Variants in CUX1 observed in about 807,000 individuals in gnomAD.
CUX1 encodes cut like homeobox 1, also known as protein CASP.
A neutral mutation model predicts 158.8 loss-of-function variants in CUX1; 31 were observed. That is an observed-to-expected ratio of 0.20 (90% CI 0.15 to 0.26). CUX1 has a LOEUF of 0.26. CUX1 is among the 10% of genes least tolerant of loss of function. The pLI is 1.00. For missense variants in CUX1, 1,589 were observed against 2,014.6 expected, an observed-to-expected ratio of 0.79 and a Z score of 4.04; for synonymous variants, 879 against 862.1, an observed-to-expected ratio of 1.02 and a Z score of -0.34.
At position 102,178,674 on chromosome 7, in the gene CUX1, G is replaced by GC. The variant is rs1792672831; in HGVS notation, c.1017+20dup. The GC allele has an allele frequency of 2.5e-6, 4 of 1,593,428 alleles. No individual in the cohort carries two copies. The African/African-American group carries it at 5.4e-5, about 21-fold the overall frequency. On this transcript the variant is annotated intron_variant, in intron 11 of 23. Transcript: ENST00000292535. ...ACACTCAAAGTAAGGGGGCTGCGGG[G>GC]CCCGGGGGTGGCCCGAGGAGGCAGG...
At chr7:102,198,739 C>T in intron 15 of CUX1, 63 bp from the exon 16 acceptor site, 10 of 1,406,936 alleles carry the variant, frequency 7.1e-6, no homozygotes, top group Non-Finnish European at 9.1e-6. Context: ...GTCACACAGC[C>T]CATATCGTCA....
At chr7:101,969,359 CAAAA>C (rs10711703) in intron 2 of CUX1, among the ~76,000 whole-genome samples, 4 of 56,108 alleles carry the variant, frequency 7.1e-5, no homozygotes, top group South Asian at 9.3e-4. Context: ...CAAAAAACAG[CAAAA>C]AAAAAAAAAA....
chr7:101,935,216 C>G (rs1806774027), intron 2 of CUX1, among the ~76,000 whole-genome samples: 1 of 152,170 alleles, frequency 6.6e-6, no homozygotes, highest in Non-Finnish European at 1.5e-5. Flanking sequence ...AAAAGCTCCC[C>G]TACTGAGCAC....
chr7:102,071,673 T>G (rs1172895849), intron 4 of CUX1, among the ~76,000 whole-genome samples: 4 of 152,194 alleles, frequency 2.6e-5, no homozygotes, highest in African/African-American at 9.6e-5. Flanking sequence ...TACCTGTACT[T>G]GTGTTCTGAT....
At chr7:101,835,391 T>C (rs1465553117) in intron 1 of CUX1, among the ~76,000 whole-genome samples, 1 of 152,176 alleles carries the variant, frequency 6.6e-6, no homozygotes, top group East Asian at 1.9e-4. Context: ...TGTGTATCCT[T>C]TCATCAGCTA....
At chr7:102,272,139 C>A (rs1297324703) in intron 14 of CUX1, among the ~76,000 whole-genome samples, 4 of 152,204 alleles carry the variant, frequency 2.6e-5, no homozygotes, top group African/African-American at 7.2e-5. Flanking sequence ...GGTCGGGAAG[C>A]CTCCGTTCTT....
At chr7:102,008,531 G>T (rs1268755551) in intron 2 of CUX1, among the ~76,000 whole-genome samples, 1 of 151,998 alleles carries the variant, frequency 6.6e-6, no homozygotes. Context: ...TATTCTCCTC[G>T]TGTAATCCCT....
chr7:101,943,318 G>C (rs1027039356), intron 2 of CUX1, among the ~76,000 whole-genome samples: 6 of 151,788 alleles, frequency 4.0e-5, no homozygotes, highest in African/African-American at 1.2e-4. Flanking sequence ...TGTTGGCCAG[G>C]TTGGTCTTGA....
Position 102,254,910 on chromosome 7 carries a change from A to C in CUX1, c.*5868A>C. On this transcript the variant is annotated 3_prime_UTR_variant, in exon 24 of 24. Coordinates refer to ENST00000292535, the MANE Select transcript of CUX1 (RefSeq NM_181552.4). ...TGACTTTTTGTAGATGAAAACTACC[A>C]GGGAAAAGGGGAAGCAGGTACCCAA... 1.0e-6 allele frequency: 1 copy of C among 985,480 alleles called. No homozygotes were observed. Among genetic ancestry groups the C allele is most frequent in the Non-Finnish European group, 1.2e-6 (1 of 829,944 alleles). The allele number at this position is 985,480 out of a possible 1,614,324, so 61.0% of individuals were successfully genotyped here.
At chr7:102,180,721 C>T (rs1274523729) in intron 11 of CUX1, among the ~76,000 whole-genome samples, 1 of 150,510 alleles carries the variant, frequency 6.6e-6, no homozygotes, top group Non-Finnish European at 1.5e-5. Context: ...ATTGCCTATG[C>T]TGATGGCTCC....
At chr7:101,853,875 C>T (rs531559692) in intron 1 of CUX1, among the ~76,000 whole-genome samples, 111 of 152,262 alleles carry the variant, frequency 7.3e-4, no homozygotes, top group Non-Finnish European at 1.4e-3. Flanking sequence ...CATGAGAAAC[C>T]CCAGTCTTCT....
intron 2 of CUX1, among the ~76,000 whole-genome samples, chr7:101,923,997 G>A (rs892483702): frequency 1.3e-5 from 2 of 152,218 alleles, no homozygotes; most frequent in Non-Finnish European, 2.9e-5. Flanking sequence ...ATAGGACTTG[G>A]AAAGGAATCT....
chr7:101,913,841 CTT>C (rs369998343), intron 1 of CUX1, among the ~76,000 whole-genome samples: 4 of 151,742 alleles, frequency 2.6e-5, no homozygotes, highest in Admixed American at 2.6e-4. Context: ...AACATCAACT[CTT>C]TTTTTTTCTT....
intron 3 of CUX1, among the ~76,000 whole-genome samples, chr7:102,030,878 T>A (rs1330257085): frequency 6.6e-6 from 1 of 151,886 alleles, no homozygotes; most frequent in Non-Finnish European, 1.5e-5. Flanking sequence ...TTATTTTTAT[T>A]TTTAGTAGAG....
At chr7:102,100,781 A>G (rs905124437) in intron 5 of CUX1, among the ~76,000 whole-genome samples, 7 of 148,578 alleles carry the variant, frequency 4.7e-5, no homozygotes, top group Non-Finnish European at 1.0e-4. Context: ...AGCCTGGACA[A>G]CATAACAAGA....
intron 1 of CUX1, among the ~76,000 whole-genome samples, chr7:101,847,521 G>A (rs971656652): frequency 2.0e-5 from 3 of 152,106 alleles, no homozygotes; most frequent in Non-Finnish European, 2.9e-5. Flanking sequence ...TGCTTCCTCC[G>A]TGAAACAGCC....
chr7:101,847,893 C>G (rs2131229526), intron 1 of CUX1, among the ~76,000 whole-genome samples: 1 of 151,630 alleles, frequency 6.6e-6, no homozygotes, highest in East Asian at 2.0e-4. Flanking sequence ...CGTGGTGAAA[C>G]CCATCTCTAC....
In CUX1 at chr7:101,955,602, C is replaced by T. The variant is rs112151390; in HGVS notation, c.141+39377C>T. 9.2e-5 allele frequency among the ~76,000 whole-genome samples: 14 copies of T among 152,308 alleles called. 3 individuals are homozygous for T. The highest frequency in any genetic ancestry group is 2.6e-4 in the African/African-American group (11 of 41,568). ...GGAACGCACAGCTGGGGCCCCTCTCCTAATTTGCACCCTTCCTGAGCCAGT... is the reference window on the plus strand; with the variant it reads ...GGAACGCACAGCTGGGGCCCCTCTCTTAATTTGCACCCTTCCTGAGCCAGT... On this transcript the variant is annotated intron_variant, in intron 2 of 23. Transcript: ENST00000292535.
intron 2 of CUX1, among the ~76,000 whole-genome samples, chr7:101,968,532 C>T (rs778832846): frequency 6.6e-6 from 1 of 152,174 alleles, no homozygotes; most frequent in Non-Finnish European, 1.5e-5. Flanking sequence ...AAGTGATTCT[C>T]CTGCCTTAGC....
Sources: gnomAD v4.1 joint callset for allele counts (sites outside exome capture counted in the v4.1 genomes callset) on GRCh38, gnomAD v4.1.1 for gene constraint, MANE v1.5 for transcripts, NCBI Gene and HGNC (gene_info 2026-07-23, HGNC 2026-07-21) for gene names.